SLC44A5: variants seen among roughly 807,000 people sequenced by gnomAD.
The protein encoded by SLC44A5 is solute carrier family 44 member 5.
SLC44A5 carries 57 observed loss-of-function variants against 101.8 expected under a neutral mutation model. That is an observed-to-expected ratio of 0.56 (90% CI 0.45 to 0.70). SLC44A5 has a LOEUF of 0.70. SLC44A5 is among the 30% of genes least tolerant of loss of function. SLC44A5 has a pLI of 0.00. For synonymous variants in SLC44A5, 281 were observed against 290.9 expected (o/e 0.97, Z 0.35); for missense variants, 737 against 853.1 (o/e 0.86, Z 1.70).
At chr1:75,615,721 C>G (rs1675849853), upstream of SLC44A5, 2 of 471,736 alleles carry the variant, frequency 4.2e-6, no homozygotes, top group South Asian at 8.9e-5. Context: ...CCACCCCCTC[C>G]CCGGACACGG....
the SLC44A5 span, among the ~76,000 whole-genome samples, chr1:75,644,172 T>G: frequency 2.0e-5 from 3 of 152,308 alleles, no homozygotes; most frequent in African/African-American, 7.2e-5. Context: ...TCAAGGGAAC[T>G]GGTAAAATTT....
intron 3 of SLC44A5, among the ~76,000 whole-genome samples, chr1:75,366,315 C>CT (rs1659854320): frequency 1.3e-5 from 2 of 151,892 alleles, no homozygotes; most frequent in South Asian, 2.1e-4. Context: ...ATTTTTGGAG[C>CT]CTTTTTTTCA....
chr1:75,306,412 A>G (rs146549732), intron 4 of SLC44A5, among the ~76,000 whole-genome samples: 71 of 152,258 alleles, frequency 4.7e-4, no homozygotes, highest in African/African-American at 1.6e-3. Flanking sequence ...GCCTGGTAAA[A>G]ATCAAAATGC....
intron 2 of SLC44A5, among the ~76,000 whole-genome samples, chr1:75,409,588 GA>G (rs1663143195): frequency 6.6e-6 from 1 of 152,030 alleles, no homozygotes; most frequent in Non-Finnish European, 1.5e-5. Flanking sequence ...ATAATATTTA[GA>G]GAGTTTTGGT....
chr1:75,421,551 A>G (rs1186463919), intron 2 of SLC44A5, among the ~76,000 whole-genome samples: 1 of 152,162 alleles, frequency 6.6e-6, no homozygotes, highest in Non-Finnish European at 1.5e-5. Flanking sequence ...ATTTTGCTGA[A>G]TGCATAGAGA....
At chr1:75,475,496 T>C (rs1449364996) in intron 2 of SLC44A5, among the ~76,000 whole-genome samples, 6 of 152,242 alleles carry the variant, frequency 3.9e-5, no homozygotes, top group African/African-American at 1.4e-4. Context: ...TTATTATTAC[T>C]TGTCCAGCCA....
At chr1:75,485,656 T>G (rs147694001) in intron 2 of SLC44A5, among the ~76,000 whole-genome samples, 6 of 152,372 alleles carry the variant, frequency 3.9e-5, no homozygotes, top group African/African-American at 1.4e-4. Flanking sequence ...GGTATCTTTA[T>G]AGCAGTGCCC....
intron 2 of SLC44A5, among the ~76,000 whole-genome samples, chr1:75,503,514 G>A (rs114313726): frequency 0.011 from 1,603 of 152,160 alleles, 9 homozygotes; most frequent in Non-Finnish European, 0.015. Flanking sequence ...TTCCTGAGGC[G>A]TCCCCAGTCA....
chr1:75,320,996 G>A (rs576464940), intron 4 of SLC44A5, among the ~76,000 whole-genome samples: 7 of 152,082 alleles, frequency 4.6e-5, no homozygotes, highest in South Asian at 4.1e-4. Context: ...AAAAATTCCC[G>A]AGCAATATGA....
chr1:75,423,671 G>A (rs1328982544), intron 2 of SLC44A5, among the ~76,000 whole-genome samples: 2 of 152,178 alleles, frequency 1.3e-5, no homozygotes, highest in African/African-American at 2.4e-5. Context: ...GAAATTGCGA[G>A]CAGCTCCATA....
Position 75,456,110 on chromosome 1 carries a change from G to GAT in SLC44A5, c.14-59491_14-59490dup, listed in dbSNP as rs1666173613. On this transcript the variant is annotated intron_variant, in intron 2 of 23. Transcript: ENST00000370859. ...ACAACAAAGACATGAAATCAACCCA[G>GAT]ATACCCATCAACAATGGATTGGACA... is the stretch of plus-strand genomic sequence containing the variant. 1.3e-5 allele frequency among the ~76,000 whole-genome samples: 2 copies of GAT among 152,188 alleles called. 1 individual carries two copies. The highest frequency in any genetic ancestry group is 4.1e-4 in the South Asian group (2 of 4,826).
At chr1:75,577,032 C>A (rs1673409628) in intron 1 of SLC44A5, among the ~76,000 whole-genome samples, 1 of 152,198 alleles carries the variant, frequency 6.6e-6, no homozygotes, top group African/African-American at 2.4e-5. Context: ...CAATGCTTTT[C>A]CCATGATTCA....
rs765133155 is a variant in SLC44A5, at chr1:75,202,493, T to C, written c.*1234A>G. 11 of 152,208 alleles carry C rather than the reference T, an allele frequency of 7.2e-5. No homozygotes were observed. The highest frequency in any genetic ancestry group is 1.6e-4 in the Non-Finnish European group (11 of 68,028). 9.4% of individuals were successfully genotyped at this position (152,208 alleles called of 1,614,324 possible). On this transcript the variant is annotated 3_prime_UTR_variant, in exon 24 of 24. Transcript: ENST00000370859. ...AACAAACACTGAGTAACCAACTGAA[T>C]TAATTTCCTTAAAAGTTAGTAGTAC... is the stretch of plus-strand genomic sequence containing the variant.
chr1:75,417,282 T>C (rs1161928075), intron 2 of SLC44A5, among the ~76,000 whole-genome samples: 2 of 152,178 alleles, frequency 1.3e-5, no homozygotes, highest in African/African-American at 4.8e-5. Flanking sequence ...CAAGCTCTCT[T>C]TGCCTGCCAC....
At chr1:75,337,223 T>C (rs1447923524) in intron 4 of SLC44A5, among the ~76,000 whole-genome samples, 2 of 152,164 alleles carry the variant, frequency 1.3e-5, no homozygotes, top group Admixed American at 1.3e-4. Flanking sequence ...TAAATGTGTA[T>C]AGTACCCCTT....
chr1:75,622,085 T>C, the SLC44A5 span, among the ~76,000 whole-genome samples: 1 of 152,140 alleles, frequency 6.6e-6, no homozygotes, highest in Admixed American at 6.5e-5. Flanking sequence ...ATTTTTAATC[T>C]CTTTACTCCA....
chr1:75,366,583 G>A (rs748027295), intron 3 of SLC44A5, among the ~76,000 whole-genome samples: 2 of 151,976 alleles, frequency 1.3e-5, no homozygotes, highest in East Asian at 1.9e-4. Context: ...GATTTGGGAC[G>A]TTTTCAGCCA....
At chr1:75,257,431 A>G (rs543136844) in intron 6 of SLC44A5, among the ~76,000 whole-genome samples, 1 of 152,292 alleles carries the variant, frequency 6.6e-6, no homozygotes, top group South Asian at 2.1e-4. Flanking sequence ...CCTAAGCAAG[A>G]ATGCCAGAAT....
At chr1:75,496,771 T>C (rs962820587) in intron 2 of SLC44A5, among the ~76,000 whole-genome samples, 3 of 151,984 alleles carry the variant, frequency 2.0e-5, no homozygotes, top group East Asian at 3.9e-4. Flanking sequence ...AAGAAACTCA[T>C]AGAACTTAAT....
Sources: gnomAD v4.1 joint callset for allele counts (sites outside exome capture counted in the v4.1 genomes callset) on GRCh38, gnomAD v4.1.1 for gene constraint, MANE v1.5 for transcripts, NCBI Gene and HGNC (gene_info 2026-07-23, HGNC 2026-07-21) for gene names.